Variants in UBXN7 observed in about 807,000 individuals in gnomAD.
UBXN7 encodes the protein UBX domain-containing protein 7.
UBXN7 carries 9 observed loss-of-function variants against 58.0 expected under a neutral mutation model. The observed-to-expected ratio is 0.16, with a 90% CI of 0.09 to 0.27. The LOEUF is 0.27. UBXN7 is among the 10% of genes least tolerant of loss of function. The pLI is 1.00. For missense variants in UBXN7, 328 were observed against 599.6 expected (o/e 0.55, Z 4.73); for synonymous variants, 208 against 205.0 (o/e 1.01, Z -0.12).
intron 9 of UBXN7, 76 bp downstream of exon 9, chr3:196,362,218 C>G: frequency 6.6e-7 from 1 of 1,508,844 alleles, no homozygotes. Flanking sequence ...GGTCTTGGAA[C>G]TCCTAACCTC....
chr3:196,374,083 C>T (rs576053808), intron 5 of UBXN7, among the ~76,000 whole-genome samples: 1 of 152,120 alleles, frequency 6.6e-6, no homozygotes, highest in East Asian at 1.9e-4. Flanking sequence ...AATAATTAAG[C>T]TGCTTTAACT....
At chr3:196,424,150 C>G (rs1299590860) in intron 1 of UBXN7, among the ~76,000 whole-genome samples, 1 of 152,082 alleles carries the variant, frequency 6.6e-6, no homozygotes, top group Non-Finnish European at 1.5e-5. Flanking sequence ...CTCAACCTCC[C>G]AAAGTGCTGG....
chr3:196,383,452 T>C (rs1447637948), intron 5 of UBXN7, among the ~76,000 whole-genome samples: 7 of 152,122 alleles, frequency 4.6e-5, no homozygotes, highest in East Asian at 1.9e-4. Flanking sequence ...GCAGACCTAA[T>C]AGACATCTAC....
At chr3:196,428,382 C>T (rs962341283) in intron 1 of UBXN7, among the ~76,000 whole-genome samples, 2 of 147,860 alleles carry the variant, frequency 1.4e-5, no homozygotes, top group South Asian at 4.3e-4. Flanking sequence ...TGAGCCCAGG[C>T]GGTAAGGATG....
intron 5 of UBXN7, among the ~76,000 whole-genome samples, chr3:196,375,183 C>CCACACA (rs56188527): frequency 0.014 from 1,966 of 139,784 alleles, 21 homozygotes; most frequent in East Asian, 0.021. Context: ...GGTGCTCTTA[C>CCACACA]CACACACACA....
At position 196,349,692 on chromosome 3, in the gene UBXN7, GT is replaced by G. The variant is rs1231777481; in HGVS notation, c.*6992del. The G allele has an allele frequency of 1.3e-5, 2 of 152,088 alleles. No homozygotes were observed. The highest frequency in any genetic ancestry group is 2.9e-5 in the Non-Finnish European group (2 of 68,034). The allele number at this position is 152,088 out of a possible 1,614,324, so 9.4% of individuals were successfully genotyped here. On this transcript the variant is annotated 3_prime_UTR_variant, in exon 11 of 11. Transcript: ENST00000296328. ...CAGATCAAGAATCTCTCCCTTATCA[GT>G]TAAGAGTTCCATACTGAGTCTATGA...
intron 5 of UBXN7, among the ~76,000 whole-genome samples, chr3:196,376,894 AATTTAGCCAGGC>A (rs1385521602): frequency 4.6e-5 from 7 of 151,896 alleles, no homozygotes; most frequent in Non-Finnish European, 8.8e-5. Flanking sequence ...AAAAATACAA[AATTTAGCCAGGC>A]ATGGTGGCAC....
At chr3:196,372,137 A>T in intron 5 of UBXN7, 95 bp from the exon 6 acceptor site, 2 of 1,408,534 alleles carry the variant, frequency 1.4e-6, no homozygotes, top group Non-Finnish European at 1.9e-6. Flanking sequence ...TTCATTAAAA[A>T]TACTAAGTTT....
chr3:196,417,226 T>G (rs1386409303), intron 1 of UBXN7, among the ~76,000 whole-genome samples: 1 of 151,988 alleles, frequency 6.6e-6, no homozygotes, highest in Admixed American at 6.6e-5. Flanking sequence ...GGCAGGAGAA[T>G]GGCGTGAACC....
intron 2 of UBXN7, among the ~76,000 whole-genome samples, chr3:196,405,561 AGTGTGT>A (rs150829704): frequency 6.6e-6 from 1 of 150,586 alleles, no homozygotes; most frequent in African/African-American, 2.4e-5. Flanking sequence ...CTCGCTTTAC[AGTGTGT>A]GTGTGTGTGT....
chr3:196,371,765 G>T, intron 6 of UBXN7, 131 bp downstream of exon 6: 1 of 1,167,966 alleles, frequency 8.6e-7, no homozygotes, highest in Non-Finnish European at 1.2e-6. Context: ...TTATAGGCGT[G>T]AGCTACTGCC....
At position 196,347,999 on chromosome 3, in the gene UBXN7, G is replaced by A. The variant is rs1016614176; in HGVS notation, c.*8686C>T. On this transcript the variant is annotated 3_prime_UTR_variant, in exon 11 of 11. Transcript: ENST00000296328. Reference sequence around the variant, plus strand: ...CTCCTTCTGGAAATTATTACCTATAGACTAGGTAGATCTATAGGTAGATCA... The same window carrying A: ...CTCCTTCTGGAAATTATTACCTATAAACTAGGTAGATCTATAGGTAGATCA... The A allele has an allele frequency of 2.6e-5, 4 of 152,128 alleles. No homozygotes were observed. The highest frequency in any genetic ancestry group is 6.5e-5 in the Admixed American group (1 of 15,270). The allele number at this position is 152,128 out of a possible 1,614,324, so 9.4% of individuals were successfully genotyped here. A position where few individuals can be genotyped will look rare whatever the true frequency, so the allele number is the denominator to read the frequency against.
intron 5 of UBXN7, among the ~76,000 whole-genome samples, chr3:196,381,749 T>G (rs1023225712): frequency 6.6e-6 from 1 of 152,116 alleles, no homozygotes; most frequent in South Asian, 2.1e-4. Context: ...TGAAAAAAGA[T>G]TAGATGAATT....
intron 5 of UBXN7, among the ~76,000 whole-genome samples, chr3:196,376,312 G>C (rs906471291): frequency 6.6e-6 from 1 of 152,052 alleles, no homozygotes; most frequent in Non-Finnish European, 1.5e-5. Context: ...GGAGGCCGAG[G>C]TGGGTGGATC....
chr3:196,379,529 G>A (rs1272162583), intron 5 of UBXN7, among the ~76,000 whole-genome samples: 3 of 152,146 alleles, frequency 2.0e-5, no homozygotes, highest in African/African-American at 7.2e-5. Flanking sequence ...AAGGGTTGTA[G>A]AGGGAAAAAG....
Position 196,352,914 on chromosome 3 carries a change from G to T in UBXN7, c.*3771C>A, listed in dbSNP as rs1728250793. 1 of 152,026 alleles carries T rather than the reference G, an allele frequency of 6.6e-6. No homozygotes were observed. The highest frequency in any genetic ancestry group is 2.4e-5 in the African/African-American group (1 of 41,420). The allele number at this position is 152,026 out of a possible 1,614,324, so 9.4% of individuals were successfully genotyped here. On this transcript the variant is annotated 3_prime_UTR_variant, in exon 11 of 11. Transcript: ENST00000296328. The surrounding 1 kb of genome is among the most constrained non-coding windows in gnomAD (Gnocchi z 4.1). ...CTTTTCTGAAAAATGTTTAAAAAAA[G>T]AAAAAATTGTTTTTTTACCCTTTTC...
Position 196,350,784 on chromosome 3 carries a change from T to G in UBXN7, c.*5901A>C, listed in dbSNP as rs1728191382. ...GATATATTGGTATGGTATTCTCTGT[T>G]GGGTTATCTGCAGTTCTAAAGAACA... On this transcript the variant is annotated 3_prime_UTR_variant, in exon 11 of 11. Transcript: ENST00000296328. The G allele has an allele frequency of 6.6e-6, 1 of 152,238 alleles. No individual in the cohort carries two copies. The highest frequency in any genetic ancestry group is 1.5e-5 in the Non-Finnish European group (1 of 68,046). 9.4% of individuals were successfully genotyped at this position (152,238 alleles called of 1,614,324 possible). A position where few individuals can be genotyped will look rare whatever the true frequency, so the allele number is the denominator to read the frequency against.
In UBXN7 at chr3:196,374,918, G is replaced by A. The variant is rs1306567153; in HGVS notation, c.469-2876C>T. On this transcript the variant is annotated intron_variant, in intron 5 of 10. Transcript: ENST00000296328. Reference sequence around the variant, plus strand: ...GGGAGGGGGGGAGGGGGAGGGGGAGGGGGAGGGGAAGGGAAGAAGGAAGGA... The same window carrying A: ...GGGAGGGGGGGAGGGGGAGGGGGAGAGGGAGGGGAAGGGAAGAAGGAAGGA... Among the ~76,000 whole-genome samples, 17 of 5,674 alleles carry A rather than the reference G, an allele frequency of 3.0e-3. 1 individual carries two copies. Among genetic ancestry groups the A allele is most frequent in the Non-Finnish European group, 5.6e-3 (15 of 2,688 alleles). The allele number at this position is 5,674 out of a possible 152,430, so 3.7% of individuals were successfully genotyped here.
intron 6 of UBXN7, among the ~76,000 whole-genome samples, chr3:196,370,883 T>C (rs1011287289): frequency 1.2e-4 from 18 of 146,126 alleles, no homozygotes; most frequent in African/African-American, 4.1e-4. Flanking sequence ...AAAAAAATTA[T>C]ATGGGCATAG....
Sources: gnomAD v4.1 joint callset for allele counts (sites outside exome capture counted in the v4.1 genomes callset) on GRCh38, gnomAD v4.1.1 for gene constraint, Gnocchi (gnomAD v3.1) non-coding constraint, MANE v1.5 for transcripts, NCBI Gene and HGNC (gene_info 2026-07-23, HGNC 2026-07-21) for gene names.